The following NELL1 variants were observed in gnomAD, a reference collection of about 807,000 sequenced individuals.
NELL1 encodes protein kinase C-binding protein NELL1.
A neutral mutation model predicts 107.4 loss-of-function variants in NELL1; 76 were observed. The ratio of observed to expected loss-of-function variants is 0.71; its 90% confidence interval spans 0.59 to 0.86. NELL1 has a LOEUF of 0.86. Ranked by LOEUF, NELL1 falls within the 40% of genes least tolerant of loss-of-function variation. The pLI is 0.00. For missense variants in NELL1, 1,024 were observed against 1,005.5 expected, an observed-to-expected ratio of 1.02 and a Z score of -0.25; for synonymous variants, 353 against 341.2, an observed-to-expected ratio of 1.03 and a Z score of -0.38.
chr11:20,706,709 AC>A (rs1854969873), intron 2 of NELL1, among the ~76,000 whole-genome samples: 1 of 151,518 alleles, frequency 6.6e-6, no homozygotes, highest in South Asian at 2.1e-4. Flanking sequence ...ATTGGCCCCC[AC>A]TTTTTTCTGA....
At chr11:21,005,397 T>C (rs1196861198) in intron 12 of NELL1, among the ~76,000 whole-genome samples, 8 of 152,186 alleles carry the variant, frequency 5.3e-5, no homozygotes, top group African/African-American at 1.7e-4. Context: ...TCAGGCTACA[T>C]TTCCACCCTG....
chr11:20,869,261 G>C (rs1263975330), intron 4 of NELL1, among the ~76,000 whole-genome samples: 2 of 152,124 alleles, frequency 1.3e-5, no homozygotes, highest in Non-Finnish European at 2.9e-5. Flanking sequence ...CATTGTTTAT[G>C]ATATCTATAT....
At chr11:21,053,807 A>G (rs1266706945) in intron 12 of NELL1, among the ~76,000 whole-genome samples, 1 of 152,164 alleles carries the variant, frequency 6.6e-6, no homozygotes, top group Non-Finnish European at 1.5e-5. Context: ...ATATGTGTCC[A>G]TGTTTACACT....
At chr11:21,181,786 A>T (rs1308467224) in intron 13 of NELL1, among the ~76,000 whole-genome samples, 2 of 151,880 alleles carry the variant, frequency 1.3e-5, no homozygotes, top group African/African-American at 2.4e-5. Context: ...ATCTTCATTT[A>T]ATTAATAGAA....
intron 5 of NELL1, among the ~76,000 whole-genome samples, chr11:20,891,636 C>G (rs533384330): frequency 2.6e-4 from 39 of 152,018 alleles, no homozygotes; most frequent in Non-Finnish European, 4.3e-4. Flanking sequence ...TGCAAAGACA[C>G]ACACAGGCTC....
intron 13 of NELL1, among the ~76,000 whole-genome samples, chr11:21,124,539 A>T (rs1855445520): frequency 6.6e-6 from 1 of 152,138 alleles, no homozygotes; most frequent in Non-Finnish European, 1.5e-5. Flanking sequence ...TCTGGAAGCT[A>T]AGAATTTCAA....
intron 12 of NELL1, among the ~76,000 whole-genome samples, chr11:21,039,097 T>C (rs1437965722): frequency 6.6e-6 from 1 of 151,912 alleles, no homozygotes; most frequent in Non-Finnish European, 1.5e-5. Context: ...GGGAGATAAA[T>C]GTAAGGTCAG....
intron 16 of NELL1, among the ~76,000 whole-genome samples, chr11:21,547,590 TGTA>T (rs1317702341): frequency 6.6e-6 from 1 of 151,956 alleles, no homozygotes; most frequent in Non-Finnish European, 1.5e-5. Flanking sequence ...ATTACGCAAA[TGTA>T]GTAGTACTTC....
chr11:20,715,104 G>A (rs1216553746), intron 2 of NELL1, among the ~76,000 whole-genome samples: 2 of 152,008 alleles, frequency 1.3e-5, no homozygotes, highest in African/African-American at 4.8e-5. Flanking sequence ...AATTAGCTGG[G>A]CGTGGTGGCG....
At chr11:20,892,818 A>G (rs1333641560) in intron 5 of NELL1, among the ~76,000 whole-genome samples, 1 of 151,852 alleles carries the variant, frequency 6.6e-6, no homozygotes, top group African/African-American at 2.4e-5. Context: ...AATCTCAGCT[A>G]CTTGGGAGGC....
intron 15 of NELL1, among the ~76,000 whole-genome samples, chr11:21,525,540 C>T (rs1855830182): frequency 6.6e-6 from 1 of 152,154 alleles, no homozygotes; most frequent in African/African-American, 2.4e-5. Context: ...AAGCTATGAG[C>T]CCAAAGCTAA....
At chr11:21,073,171 C>G (rs1854056017) in intron 12 of NELL1, among the ~76,000 whole-genome samples, 1 of 152,106 alleles carries the variant, frequency 6.6e-6, no homozygotes, top group Admixed American at 6.6e-5. Flanking sequence ...ACCTTGGAGG[C>G]AGATGACAAA....
At chr11:21,182,161 C>T (rs955814995) in intron 13 of NELL1, among the ~76,000 whole-genome samples, 4 of 151,718 alleles carry the variant, frequency 2.6e-5, no homozygotes, top group Non-Finnish European at 5.9e-5. Context: ...CAGCTGGGCA[C>T]GGTGGCTCCT....
intron 15 of NELL1, among the ~76,000 whole-genome samples, chr11:21,451,496 G>A (rs972069301): frequency 3.3e-5 from 5 of 152,136 alleles, no homozygotes; most frequent in Admixed American, 6.5e-5. Flanking sequence ...AAAATACCTG[G>A]AGCCAGATTA....
In NELL1 at chr11:21,433,800, G is replaced by A. The variant is rs1045337915; in HGVS notation, c.1645+62852G>A. On this transcript the variant is annotated intron_variant, in intron 15 of 19. Coordinates refer to ENST00000357134, the MANE Select transcript of NELL1 (RefSeq NM_006157.5). The stretch of plus-strand genomic sequence containing the variant: ...AAGTGATTCTCCTGCCTCAGCCTCC[G>A]TAGTAGTTGGGATTACATGCATGGG... Among the ~76,000 whole-genome samples the A allele has an allele frequency of 9.2e-5, 14 of 151,984 alleles. No homozygotes were observed. In the South Asian group the frequency reaches 1.5e-3, roughly 16 times the overall value.
chr11:21,086,517 T>A (rs1285702732), intron 12 of NELL1, among the ~76,000 whole-genome samples: 3 of 152,184 alleles, frequency 2.0e-5, no homozygotes, highest in African/African-American at 7.2e-5. Flanking sequence ...GATACCGGAA[T>A]CTTCACCCAC....
chr11:20,700,881 G>C (rs1046728829), intron 2 of NELL1, among the ~76,000 whole-genome samples: 1 of 152,160 alleles, frequency 6.6e-6, no homozygotes, highest in South Asian at 2.1e-4. Flanking sequence ...GTGTATATGT[G>C]CCACATTTTC....
At chr11:21,340,639 A>G (rs1028463806) in intron 14 of NELL1, among the ~76,000 whole-genome samples, 7 of 151,152 alleles carry the variant, frequency 4.6e-5, no homozygotes, top group Admixed American at 1.3e-4. Flanking sequence ...ACACACACAC[A>G]CACACACACA....
chr11:21,339,749 A>G (rs1248501450), intron 14 of NELL1, among the ~76,000 whole-genome samples: 2 of 152,154 alleles, frequency 1.3e-5, no homozygotes, highest in Non-Finnish European at 2.9e-5. Flanking sequence ...TACTAATTCT[A>G]CCACCTTTCT....
Sources: allele counts gnomAD v4.1 joint callset (sites outside exome capture counted in the v4.1 genomes callset), GRCh38; gene constraint gnomAD v4.1.1; transcripts MANE v1.5; gene names NCBI Gene and HGNC (gene_info 2026-07-23, HGNC 2026-07-21).